GOLIM4: variants seen among roughly 807,000 people sequenced by gnomAD.
GOLIM4 encodes 130 kDa golgi-localized phosphoprotein.
GOLIM4 carries 71 observed loss-of-function variants against 107.4 expected under a neutral mutation model. The observed-to-expected ratio is 0.66, with a 90% CI of 0.55 to 0.81. The LOEUF is 0.81. Ranked by LOEUF, GOLIM4 falls within the 30% of genes least tolerant of loss-of-function variation. The pLI is 0.00. For synonymous variants in GOLIM4, 327 were observed against 294.8 expected (o/e 1.11, Z -1.12); for missense variants, 830 against 826.1 (o/e 1.00, Z -0.06).
chr3:168,063,893 A>C (rs1720409248), intron 1 of GOLIM4, among the ~76,000 whole-genome samples: 1 of 152,234 alleles, frequency 6.6e-6, no homozygotes, highest in African/African-American at 2.4e-5. Flanking sequence ...AGGAAAAAAA[A>C]AGAAGCGGCA....
chr3:168,011,456 A>C (rs9831756), intron 14 of GOLIM4, among the ~76,000 whole-genome samples: 1 of 151,456 alleles, frequency 6.6e-6, no homozygotes, highest in African/African-American at 2.4e-5. Context: ...AGGCGGCAGC[A>C]AGGCTGGGGG....
At position 168,041,494 on chromosome 3, in the gene GOLIM4, A is replaced by G; in HGVS notation, c.518-20T>C. The G allele has an allele frequency of 8.4e-7, 1 of 1,187,530 alleles. No individual in the cohort carries two copies. The highest frequency in any genetic ancestry group is 1.3e-6 in the Non-Finnish European group (1 of 798,570). 73.6% of individuals were successfully genotyped at this position (1,187,530 alleles called of 1,614,324 possible). The stretch of plus-strand genomic sequence containing the variant: ...CAGTCTCTATTTTAGAAAAAGAAGG[A>G]TCACACATAAAGCCTTGAAACTTTC... On this transcript the variant is annotated intron_variant, in intron 5 of 15. Transcript: ENST00000470487.
chr3:168,033,812 A>G (rs953059882), intron 8 of GOLIM4, among the ~76,000 whole-genome samples: 1 of 152,002 alleles, frequency 6.6e-6, no homozygotes, highest in Non-Finnish European at 1.5e-5. Context: ...AAAAGAAGAA[A>G]TGGCTTTTTC....
At chr3:168,079,899 A>G (rs73878634) in intron 1 of GOLIM4, among the ~76,000 whole-genome samples, 2,099 of 152,308 alleles carry the variant, frequency 0.014, 38 homozygotes, top group African/African-American at 0.048. Context: ...TAGATATTTC[A>G]GAGAAAATTG....
chr3:168,029,532 A>C (rs1028762613), intron 10 of GOLIM4, among the ~76,000 whole-genome samples: 1 of 152,224 alleles, frequency 6.6e-6, no homozygotes, highest in African/African-American at 2.4e-5. Context: ...AGATAAAATA[A>C]AATAAAGTTG....
rs1390285938 is a variant in GOLIM4 at position 168,029,976 on chromosome 3, G to A, written c.1237C>T (p.Gln413Ter). ...ACCTGCTGCACTGCCAGTCTCTGCT[G>A]TTCCAACTGTTCCTCATAGGGTGAT... Reference protein sequence around the residue: ...FQSPYEEQLEQQRLAVQQVEE... With the variant: ...FQSPYEEQLE Residue 413 changes from glutamine to a stop codon, truncating the protein, a stop_gained, in exon 10 of 16, where the codon CAG (glutamine) becomes TAG (stop). Coordinates refer to ENST00000470487, the MANE Select transcript of GOLIM4 (RefSeq NM_014498.5). LOFTEE classifies it high-confidence loss of function. 1.2e-6 allele frequency: 2 copies of A among 1,614,030 alleles called. No individual in the cohort carries two copies.
At chr3:168,088,658 C>A (rs1577581736) in intron 1 of GOLIM4, among the ~76,000 whole-genome samples, 1 of 152,288 alleles carries the variant, frequency 6.6e-6, no homozygotes, top group East Asian at 1.9e-4. Context: ...CAAAACTCTT[C>A]CTCAGTACTT....
At chr3:168,022,624 T>C (rs550765219) in intron 14 of GOLIM4, among the ~76,000 whole-genome samples, 1 of 152,058 alleles carries the variant, frequency 6.6e-6, no homozygotes, top group Non-Finnish European at 1.5e-5. Flanking sequence ...AATCATCTCA[T>C]AACCACACAC....
At chr3:168,081,099 TG>T (rs1198310190) in intron 1 of GOLIM4, among the ~76,000 whole-genome samples, 2 of 152,140 alleles carry the variant, frequency 1.3e-5, no homozygotes, top group African/African-American at 4.8e-5. Flanking sequence ...CAGCATGAGA[TG>T]AAGTCCTACT....
At chr3:168,042,264 C>G (rs1455289251) in intron 5 of GOLIM4, among the ~76,000 whole-genome samples, 1 of 151,492 alleles carries the variant, frequency 6.6e-6, no homozygotes, top group Admixed American at 6.6e-5. Context: ...GACAGAGTCT[C>G]TCTCTGTCAC....
intron 1 of GOLIM4, among the ~76,000 whole-genome samples, chr3:168,052,095 T>A (rs1023720847): frequency 2.0e-5 from 3 of 152,164 alleles, no homozygotes; most frequent in Admixed American, 6.6e-5. Context: ...GCTGCTGAAC[T>A]TCTGTGAACT....
chr3:168,081,401 G>A (rs1244416478), intron 1 of GOLIM4, among the ~76,000 whole-genome samples: 1 of 152,198 alleles, frequency 6.6e-6, no homozygotes, highest in Non-Finnish European at 1.5e-5. Flanking sequence ...ATAGTAGGCA[G>A]GGTTGGGAAG....
intron 1 of GOLIM4, among the ~76,000 whole-genome samples, chr3:168,091,028 G>GA (rs112845340): frequency 0.025 from 3,804 of 152,208 alleles, 141 homozygotes; most frequent in African/African-American, 0.078. Context: ...AGGCTAGCAG[G>GA]GGGTGAGAGT....
intron 9 of GOLIM4, among the ~76,000 whole-genome samples, chr3:168,031,800 T>A (rs1034132518): frequency 6.6e-6 from 1 of 152,246 alleles, no homozygotes; most frequent in Non-Finnish European, 1.5e-5. Context: ...CACACCCATG[T>A]AAAGGCCAGG....
intron 1 of GOLIM4, among the ~76,000 whole-genome samples, chr3:168,082,571 C>A (rs1349373278): frequency 6.6e-6 from 1 of 152,028 alleles, no homozygotes; most frequent in Non-Finnish European, 1.5e-5. Flanking sequence ...GCAAAAGATA[C>A]GAGAGAAAGA....
At chr3:168,048,061 GA>G (rs1253606077) in intron 2 of GOLIM4, among the ~76,000 whole-genome samples, 1 of 151,320 alleles carries the variant, frequency 6.6e-6, no homozygotes, top group East Asian at 2.0e-4. Context: ...ACCAATATAT[GA>G]GCTATCACAA....
intron 8 of GOLIM4, among the ~76,000 whole-genome samples, chr3:168,036,391 A>G (rs1177452413): frequency 6.6e-6 from 1 of 152,116 alleles, no homozygotes; most frequent in Non-Finnish European, 1.5e-5. Flanking sequence ...AAATACAAAA[A>G]TTAGCCAGGC....
At chr3:168,072,048 T>A (rs959634230) in intron 1 of GOLIM4, among the ~76,000 whole-genome samples, 1 of 152,110 alleles carries the variant, frequency 6.6e-6, no homozygotes, top group African/African-American at 2.4e-5. Flanking sequence ...GGATTTCCCA[T>A]AGGGCCAAAT....
intron 1 of GOLIM4, among the ~76,000 whole-genome samples, chr3:168,070,024 CAT>C (rs1258503177): frequency 6.6e-6 from 1 of 152,180 alleles, no homozygotes; most frequent in Non-Finnish European, 1.5e-5. Flanking sequence ...ACTCCAGAAA[CAT>C]AATCCTTACT....
Sources: gnomAD v4.1 joint callset for allele counts (sites outside exome capture counted in the v4.1 genomes callset) on GRCh38, gnomAD v4.1.1 for gene constraint, MANE v1.5 for transcripts, NCBI Gene and HGNC (gene_info 2026-07-23, HGNC 2026-07-21) for gene names.